Variants in TCF20 observed in about 807,000 individuals in gnomAD.
The protein encoded by TCF20 is transcription factor 20, also known as SPRE-binding protein.
Under a neutral mutation model 148.6 loss-of-function variants are expected in TCF20, and 3 were observed. That is an observed-to-expected ratio of 0.02 (90% CI 0.01 to 0.05). The LOEUF (loss-of-function observed/expected upper bound fraction) is 0.05. TCF20 is among the 10% of genes least tolerant of loss of function. TCF20 has a pLI of 1.00. For synonymous variants in TCF20, 1,049 were observed against 909.5 expected (o/e 1.15, Z -2.76); for missense variants, 2,350 against 2,429.3 (o/e 0.97, Z 0.69).
intron 1 of TCF20, among the ~76,000 whole-genome samples, chr22:42,289,322 G>A (rs962481235): frequency 6.6e-6 from 1 of 152,108 alleles, no homozygotes; most frequent in Non-Finnish European, 1.5e-5. Context: ...ACTCTGGGAG[G>A]TTCCGAACAC....
chr22:42,241,002 C>T (rs1048916843), intron 1 of TCF20, among the ~76,000 whole-genome samples: 1 of 152,076 alleles, frequency 6.6e-6, no homozygotes, highest in Non-Finnish European at 1.5e-5. Context: ...ATTACAAGCA[C>T]CCGCCATCAC....
chr22:42,207,991 C>A (rs1938506262), intron 2 of TCF20, among the ~76,000 whole-genome samples: 1 of 152,106 alleles, frequency 6.6e-6, no homozygotes, highest in Non-Finnish European at 1.5e-5. Flanking sequence ...GTGGTGAGAC[C>A]AGCCTGCCTG....
At chr22:42,265,695 A>C (rs539217496) in intron 1 of TCF20, among the ~76,000 whole-genome samples, 1 of 152,224 alleles carries the variant, frequency 6.6e-6, no homozygotes, top group African/African-American at 2.4e-5. Context: ...ATGAGTAAGA[A>C]GGCTTAAGGC....
intron 1 of TCF20, among the ~76,000 whole-genome samples, chr22:42,289,931 G>A (rs948124402): frequency 6.6e-6 from 1 of 152,190 alleles, no homozygotes; most frequent in Non-Finnish European, 1.5e-5. Flanking sequence ...TAATCACACC[G>A]AATTCTCCAT....
intron 1 of TCF20, among the ~76,000 whole-genome samples, chr22:42,227,965 G>GGTCACTAGCAA (rs1923063113): frequency 6.6e-6 from 1 of 152,172 alleles, no homozygotes; most frequent in African/African-American, 2.4e-5. Context: ...ATGTTAACAA[G>GGTCACTAGCAA]GTCACTAGCA....
intron 1 of TCF20, among the ~76,000 whole-genome samples, chr22:42,244,454 A>T (rs1466062943): frequency 6.6e-6 from 1 of 152,230 alleles, no homozygotes. Flanking sequence ...GTATTCAGCC[A>T]TGAAAAGGAA....
intron 1 of TCF20, among the ~76,000 whole-genome samples, chr22:42,264,748 C>T (rs575828041): frequency 6.6e-6 from 1 of 152,340 alleles, no homozygotes; most frequent in South Asian, 2.1e-4. Context: ...CATCACCTGA[C>T]ATTTTTATTT....
chr22:42,307,953 G>A (rs1361177724), intron 1 of TCF20, among the ~76,000 whole-genome samples: 2 of 152,224 alleles, frequency 1.3e-5, no homozygotes, highest in Non-Finnish European at 2.9e-5. Context: ...CTGGCCATAT[G>A]TTATTATAAT....
intron 1 of TCF20, among the ~76,000 whole-genome samples, chr22:42,244,196 A>G (rs1444485479): frequency 6.6e-6 from 1 of 152,174 alleles, no homozygotes; most frequent in Non-Finnish European, 1.5e-5. Context: ...ACATGGGAAT[A>G]TAAAATATTC....
At chr22:42,244,043 A>C (rs1218143175) in intron 1 of TCF20, among the ~76,000 whole-genome samples, 1 of 152,178 alleles carries the variant, frequency 6.6e-6, no homozygotes. Flanking sequence ...CCTGTCTATA[A>C]AAATACAAAA....
intron 1 of TCF20, among the ~76,000 whole-genome samples, chr22:42,220,788 G>T (rs1283497493): frequency 6.6e-6 from 1 of 152,134 alleles, no homozygotes; most frequent in South Asian, 2.1e-4. Context: ...CGAGGTTACT[G>T]AGGCTGGCTG....
intron 1 of TCF20, among the ~76,000 whole-genome samples, chr22:42,333,380 CTG>C (rs1457784091): frequency 6.6e-6 from 1 of 152,006 alleles, no homozygotes; most frequent in Non-Finnish European, 1.5e-5. Flanking sequence ...TGCACCAGGG[CTG>C]TGTGTAGACA....
intron 2 of TCF20, among the ~76,000 whole-genome samples, chr22:42,194,361 G>A (rs991907932): frequency 1.3e-5 from 2 of 152,204 alleles, no homozygotes; most frequent in East Asian, 1.9e-4. Flanking sequence ...AATGAAGAAC[G>A]GTTTCTGTGG....
At chr22:42,286,515 C>T (rs1442426415), upstream of TCF20, among the ~76,000 whole-genome samples, 1 of 152,152 alleles carries the variant, frequency 6.6e-6, no homozygotes, top group South Asian at 2.1e-4. Context: ...TATAAGATTA[C>T]ATGAGATAAG....
chr22:42,200,499 G>A (rs749337324), intron 2 of TCF20, among the ~76,000 whole-genome samples: 1 of 151,966 alleles, frequency 6.6e-6, no homozygotes, highest in Non-Finnish European at 1.5e-5. Flanking sequence ...AAAATTAGTC[G>A]GCATGGTGGC....
intron 1 of TCF20, among the ~76,000 whole-genome samples, chr22:42,223,256 A>T (rs1470203202): frequency 6.6e-6 from 1 of 152,110 alleles, no homozygotes; most frequent in Non-Finnish European, 1.5e-5. Flanking sequence ...AATTAATGTA[A>T]TTTTTTCCAA....
chr22:42,186,206 A>C (rs933423283), intron 2 of TCF20, among the ~76,000 whole-genome samples: 2 of 152,226 alleles, frequency 1.3e-5, no homozygotes, highest in Non-Finnish European at 2.9e-5. Flanking sequence ...TCTAATGTGC[A>C]TACTGTCCAG....
At chr22:42,243,292 CAAAAAAAAAAAAAAA>C (rs3045578) in intron 1 of TCF20, among the ~76,000 whole-genome samples, 1,843 of 39,526 alleles carry the variant, frequency 0.047, 42 homozygotes, top group Non-Finnish European at 0.069. Flanking sequence ...GACACTGTCT[CAAAAAAAAAAAAAAA>C]AAAAAAAAAA....
At position 42,212,611 on chromosome 22, in the gene TCF20, G is replaced by T. The variant is rs765753339; in HGVS notation, c.2695C>A (p.Arg899Ser). Residue 899 changes from arginine to serine, a missense_variant, in exon 2 of 6, where the codon CGT becomes AGT. By Grantham distance (110) the Arg-to-Ser change is moderately radical (BLOSUM62 -1). Coordinates refer to ENST00000677622, the MANE Select transcript of TCF20 (RefSeq NM_001378418.1). Reference protein sequence around the residue: ...SADTRIGRNDRLNPTLSQSVI... With the variant: ...SADTRIGRNDSLNPTLSQSVI... The stretch of plus-strand genomic sequence containing the variant: ...GACTGACTTAAAGTTGGATTGAGAC[G>T]GTCATTCCTCCCAATTCTGGTGTCG... 1 of 1,614,034 alleles carries T rather than the reference G, an allele frequency of 6.2e-7. No individual in the cohort carries two copies. Among genetic ancestry groups the T allele is most frequent in the African/African-American group, 1.3e-5 (1 of 74,928 alleles).
Sources: allele counts gnomAD v4.1 joint callset (sites outside exome capture counted in the v4.1 genomes callset), GRCh38; gene constraint gnomAD v4.1.1; transcripts MANE v1.5; gene names NCBI Gene and HGNC (gene_info 2026-07-23, HGNC 2026-07-21).